PCDHA5: variants seen among roughly 807,000 people sequenced by gnomAD.
The protein encoded by PCDHA5 is protocadherin alpha 5.
PCDHA5 carries 43 observed loss-of-function variants against 61.6 expected under a neutral mutation model. The observed-to-expected ratio is 0.70, with a 90% CI of 0.55 to 0.90. The LOEUF is 0.90. Among genes scored for constraint, PCDHA5 ranks in the 40% least tolerant of loss-of-function variants. The pLI, the probability that PCDHA5 is intolerant of heterozygous loss-of-function variation, is 0.00. For synonymous variants in PCDHA5, 627 were observed against 543.9 expected (o/e 1.15, Z -2.13); for missense variants, 1,298 against 1,222.7 (o/e 1.06, Z -0.92).
chr5:140,886,815 A>G (rs1251237856), intron 1 of PCDHA5, among the ~76,000 whole-genome samples: 1 of 149,622 alleles, frequency 6.7e-6, no homozygotes, highest in African/African-American at 2.5e-5. Context: ...TGACAGAGCA[A>G]GACTTCGTCT....
intron 1 of PCDHA5, among the ~76,000 whole-genome samples, chr5:140,871,786 T>G (rs2053308227): frequency 6.6e-6 from 1 of 152,224 alleles, no homozygotes; most frequent in African/African-American, 2.4e-5. Flanking sequence ...GTCACTTGAG[T>G]AGAAATAATT....
Position 140,923,938 on chromosome 5 carries a change from CT to C in PCDHA5, c.2353-55005del, listed in dbSNP as rs1340709876. 2.6e-5 allele frequency among the ~76,000 whole-genome samples: 4 copies of C among 152,122 alleles called. No homozygotes were observed. In the East Asian group the frequency reaches 7.7e-4, roughly 29 times the overall value. On this transcript the variant is annotated intron_variant, in intron 1 of 3. Coordinates refer to ENST00000529859, the MANE Select transcript of PCDHA5 (RefSeq NM_018908.3). ...ATACTGTTCTCTGTATGCATTTTTC[CT>C]TTTTTCCTCACGCCCTAATCTATAC... is the stretch of plus-strand genomic sequence containing the variant.
chr5:140,938,760 T>C (rs574872397), intron 1 of PCDHA5, among the ~76,000 whole-genome samples: 2 of 152,286 alleles, frequency 1.3e-5, no homozygotes, highest in Admixed American at 1.3e-4. Flanking sequence ...GCATAGTTAT[T>C]GGGTACTAGA....
intron 3 of PCDHA5, among the ~76,000 whole-genome samples, chr5:141,005,089 A>G (rs1554259886): frequency 6.6e-6 from 1 of 152,244 alleles, no homozygotes; most frequent in East Asian, 1.9e-4. Context: ...TTAGTACTTT[A>G]CATGCATTAC....
At position 140,978,807 on chromosome 5, in the gene PCDHA5, A is replaced by G. The variant is rs1489269679; in HGVS notation, c.2353-142A>G. 3.3e-6 allele frequency: 5 copies of G among 1,494,726 alleles called. No individual in the cohort carries two copies. In the African/African-American group the frequency reaches 4.2e-5, roughly 12 times the overall value. The allele number at this position is 1,494,726 out of a possible 1,614,324, so 92.6% of individuals were successfully genotyped here. A position where few individuals can be genotyped will look rare whatever the true frequency, so the allele number is the denominator to read the frequency against. ...AAGTGCTATATATGTAGATATCATC[A>G]TAGAGTTACACATGAAATGGCTCAT... On this transcript the variant is annotated intron_variant, in intron 1 of 3. Coordinates refer to ENST00000529859, the MANE Select transcript of PCDHA5 (RefSeq NM_018908.3).
At chr5:140,857,886 C>T in intron 1 of PCDHA5, 1 of 1,597,776 alleles carries the variant, frequency 6.3e-7, no homozygotes. Context: ...TTGCAGTCGG[C>T]GGCGGTTGGT....
At chr5:140,826,005 A>T (rs1231203502) in intron 1 of PCDHA5, among the ~76,000 whole-genome samples, 1 of 152,152 alleles carries the variant, frequency 6.6e-6, no homozygotes, top group African/African-American at 2.4e-5. Context: ...AATAGTCCAC[A>T]CTTTACATGA....
At chr5:140,936,869 A>C (rs1249048598) in intron 1 of PCDHA5, among the ~76,000 whole-genome samples, 3 of 152,168 alleles carry the variant, frequency 2.0e-5, no homozygotes, top group Non-Finnish European at 4.4e-5. Context: ...TTCTATTTTA[A>C]AAAACCCTGC....
At chr5:140,975,309 T>C (rs182558596) in intron 1 of PCDHA5, among the ~76,000 whole-genome samples, 161 of 152,342 alleles carry the variant, frequency 1.1e-3, no homozygotes, top group African/African-American at 3.2e-3. Flanking sequence ...CTCATGTGAT[T>C]ATGTCAGTCC....
chr5:140,837,972 C>A (rs929090739), intron 1 of PCDHA5, among the ~76,000 whole-genome samples: 3 of 151,768 alleles, frequency 2.0e-5, no homozygotes, highest in Admixed American at 2.0e-4. Flanking sequence ...AACAACCACA[C>A]CCAGCCTGCC....
intron 1 of PCDHA5, chr5:140,829,494 A>G (rs1366081374): frequency 1.9e-6 from 3 of 1,613,224 alleles, no homozygotes; most frequent in Admixed American, 3.3e-5. Flanking sequence ...AAGGAGAACA[A>G]CCCGCCGGGC....
chr5:140,869,424 G>T (rs2051119407), intron 1 of PCDHA5: 18 of 1,614,216 alleles, frequency 1.1e-5, no homozygotes, highest in Non-Finnish European at 1.5e-5. Context: ...TCCACCTGGA[G>T]GTGATCGTGG....
In PCDHA5 at chr5:140,927,196, G is replaced by A. The variant is rs781932405; in HGVS notation, c.2353-51753G>A. On this transcript the variant is annotated intron_variant, in intron 1 of 3. Coordinates refer to ENST00000529859, the MANE Select transcript of PCDHA5 (RefSeq NM_018908.3). ...CGTCTTGACCTACGACCTGGTGCTC[G>A]AGGACCCGCTGGAGCTGCACAAGAT... The A allele has an allele frequency of 5.6e-6, 9 of 1,614,028 alleles. No homozygotes were observed. In the South Asian group the frequency reaches 7.7e-5, roughly 14 times the overall value.
At chr5:140,884,320 A>T in intron 1 of PCDHA5, 1 of 1,613,806 alleles carries the variant, frequency 6.2e-7, no homozygotes, top group Non-Finnish European at 8.5e-7. Context: ...GGGCGTCGGC[A>T]GGCGCTGTGG....
chr5:140,830,725 T>C (rs1319417645), intron 1 of PCDHA5: 15 of 221,188 alleles, frequency 6.8e-5, no homozygotes, highest in African/African-American at 2.7e-4. Flanking sequence ...AACCAAAATA[T>C]TCTTGGATAT....
chr5:140,934,511 T>A (rs999288213), intron 1 of PCDHA5, among the ~76,000 whole-genome samples: 1 of 152,210 alleles, frequency 6.6e-6, no homozygotes, highest in African/African-American at 2.4e-5. Context: ...AAAGGGTCCA[T>A]AGACCACACT....
intron 1 of PCDHA5, chr5:140,884,448 CCACCGAGGGCGCGTGCGCGCCGGG>C (rs1244657512): frequency 1.9e-6 from 3 of 1,613,716 alleles, no homozygotes; most frequent in Non-Finnish European, 2.5e-6. Context: ...TCGGCACCGC[CCACCGAGGGCGCGTGCGCGCCGGG>C]CAAGCCCACT....
At chr5:140,878,274 C>A (rs1273765492) in intron 1 of PCDHA5, among the ~76,000 whole-genome samples, 2 of 152,092 alleles carry the variant, frequency 1.3e-5, no homozygotes, top group Non-Finnish European at 2.9e-5. Context: ...TTTAAAATAG[C>A]CTTCTTGATC....
rs782761972 is a variant in PCDHA5, at chr5:140,927,978, T to C, written c.2353-50971T>C. 9.9e-6 allele frequency: 16 copies of C among 1,614,092 alleles called. No individual in the cohort carries two copies. In the East Asian group the frequency reaches 1.8e-4, roughly 18 times the overall value. ...CCCCTGGCACAGTGATTGCTCTCTTTAGTGTAAAGGATGAAGACCTCGATT... is the reference window on the plus strand; with the variant it reads ...CCCCTGGCACAGTGATTGCTCTCTTCAGTGTAAAGGATGAAGACCTCGATT... On this transcript the variant is annotated intron_variant, in intron 1 of 3. Coordinates refer to ENST00000529859, the MANE Select transcript of PCDHA5 (RefSeq NM_018908.3).
Sources: gnomAD v4.1 joint callset for allele counts (sites outside exome capture counted in the v4.1 genomes callset) on GRCh38, gnomAD v4.1.1 for gene constraint, MANE v1.5 for transcripts, NCBI Gene and HGNC (gene_info 2026-07-23, HGNC 2026-07-21) for gene names.